Variants in ZBTB34 observed in about 807,000 individuals in gnomAD.
ZBTB34 encodes the protein zinc finger and BTB domain-containing protein 34.
In ZBTB34, 1 loss-of-function variant was observed where a neutral mutation model predicts 33.4. The ratio of observed to expected loss-of-function variants is 0.03; its 90% CI spans 0.01 to 0.14. The LOEUF is 0.14. Among genes scored for constraint, ZBTB34 ranks in the 10% least tolerant of loss-of-function variants. ZBTB34 has a pLI of 1.00. For synonymous variants in ZBTB34, 283 were observed against 253.5 expected (o/e 1.12, Z -1.11); for missense variants, 406 against 657.2 (o/e 0.62, Z 4.18).
intron 1 of ZBTB34, chr9:126,863,570 G>A (rs888544735): frequency 9.2e-6 from 3 of 324,564 alleles, no homozygotes; most frequent in Non-Finnish European, 1.3e-5. Flanking sequence ...CTTCTTAATT[G>A]TGTCTATTTA....
At chr9:126,869,705 T>A (rs761815549) in intron 1 of ZBTB34, among the ~76,000 whole-genome samples, 17 of 152,296 alleles carry the variant, frequency 1.1e-4, no homozygotes, top group South Asian at 2.1e-4. Flanking sequence ...GCAGAGGCTG[T>A]GTGTGAGGTG....
chr9:126,863,327 A>C (rs1007063286), intron 1 of ZBTB34, among the ~76,000 whole-genome samples: 1 of 152,164 alleles, frequency 6.6e-6, no homozygotes, highest in African/African-American at 2.4e-5. Flanking sequence ...TGCTTAGTAC[A>C]TTTTCATTAT....
chr9:126,885,488 C>T (rs2119245868), exon 2 of ZBTB34: 2 of 167,186 alleles, frequency 1.2e-5, no homozygotes, highest in South Asian at 4.1e-4. Context: ...TCTCTCTCAC[C>T]ACTTTTATTA....
At chr9:126,872,851 CT>C (rs1288439820) in intron 1 of ZBTB34, among the ~76,000 whole-genome samples, 2 of 152,174 alleles carry the variant, frequency 1.3e-5, no homozygotes, top group Admixed American at 1.3e-4. Context: ...AAAGCACTTC[CT>C]TTCTCATATT....
intron 1 of ZBTB34, among the ~76,000 whole-genome samples, chr9:126,874,845 G>A (rs1438791432): frequency 6.6e-6 from 1 of 152,166 alleles, no homozygotes; most frequent in African/African-American, 2.4e-5. Flanking sequence ...TAAAATAGCA[G>A]TTGTTCACAT....
chr9:126,881,139 G>A lies in ZBTB34; in HGVS notation c.*225G>A. 5.5e-6 allele frequency: 3 copies of A among 542,512 alleles called. 1 individual carries two copies. The highest frequency in any genetic ancestry group is 1.0e-3 in the Middle Eastern group (2 of 1,968). 33.6% of individuals were successfully genotyped at this position (542,512 alleles called of 1,614,324 possible). ...GGCAACGCATCCAGGGAAAACACAG[G>A]CTGACAGTATTCCTCTTTGGCTGAA... is the stretch of plus-strand genomic sequence containing the variant. On this transcript the variant is annotated 3_prime_UTR_variant, in exon 2 of 2. Coordinates refer to ENST00000319119, the Ensembl canonical transcript of ZBTB34.
exon 2 of ZBTB34, chr9:126,881,945 G>C (rs1434271267): frequency 1.2e-5 from 2 of 166,816 alleles, no homozygotes; most frequent in African/African-American, 4.8e-5. Flanking sequence ...TCCAAGCAGT[G>C]TTGTGGTTTT....
chr9:126,880,808 G>C lies in ZBTB34; in HGVS notation c.1409G>C (p.Arg470Thr). ...AGGAGTCGCATTGAGTCCCCCGAGA[G>C]AACAGATGTGTACGTGGAACAGAAA... The change falls in exon 2 of 2, where the codon AGA becomes ACA. Residue 470 changes from arginine (R) to threonine (T), a missense_variant. By Grantham distance (71) the Arg-to-Thr change is moderately conservative. This residue lies in a region of ZBTB34 where 58 missense variants were observed against 58.7 expected (regional missense o/e 0.99). Transcript: ENST00000319119. This position sits in a 1 kb window ranked among gnomAD's most constrained non-coding sequence, Gnocchi z 6.7. 6.2e-7 allele frequency: 1 copy of C among 1,613,710 alleles called. No homozygotes were observed. Among genetic ancestry groups the C allele is most frequent in the East Asian group, 2.2e-5 (1 of 44,884 alleles).
chr9:126,874,769 T>C (rs1194166709), intron 1 of ZBTB34, among the ~76,000 whole-genome samples: 1 of 152,184 alleles, frequency 6.6e-6, no homozygotes, highest in Non-Finnish European at 1.5e-5. Flanking sequence ...GTCTGGACAG[T>C]TTCCCTGCAG....
chr9:126,867,847 C>T (rs10819242), intron 1 of ZBTB34, among the ~76,000 whole-genome samples: 17,055 of 151,560 alleles, frequency 0.11, 1,410 homozygotes, highest in East Asian at 0.42. Context: ...ATAAGATCCT[C>T]CATACATTCC....
chr9:126,874,939 C>T (rs1474298784), intron 1 of ZBTB34, among the ~76,000 whole-genome samples: 1 of 152,202 alleles, frequency 6.6e-6, no homozygotes, highest in African/African-American at 2.4e-5. Flanking sequence ...ACTGATGGAT[C>T]CCTAGTGCCT....
At chr9:126,877,822 T>A (rs2033382127) in intron 1 of ZBTB34, among the ~76,000 whole-genome samples, 1 of 151,788 alleles carries the variant, frequency 6.6e-6, no homozygotes, top group South Asian at 2.1e-4. Context: ...CTGGCTAACA[T>A]GGTGAAACCC....
intron 1 of ZBTB34, among the ~76,000 whole-genome samples, chr9:126,875,777 A>G (rs746032989): frequency 6.6e-6 from 1 of 152,112 alleles, no homozygotes; most frequent in Non-Finnish European, 1.5e-5. Flanking sequence ...TTTAATGGCT[A>G]CTTGCCTTAA....
chr9:126,885,033 ACTAT>A (rs550922950), exon 2 of ZBTB34: 76 of 167,202 alleles, frequency 4.5e-4, no homozygotes, highest in African/African-American at 1.5e-3. Context: ...TTTATATGAA[ACTAT>A]CTAGTTCATA....
intron 1 of ZBTB34, among the ~76,000 whole-genome samples, chr9:126,873,717 G>T (rs998995643): frequency 1.3e-5 from 2 of 151,916 alleles, no homozygotes; most frequent in African/African-American, 4.8e-5. Context: ...CGATTCTCCT[G>T]CCTCGGCCTC....
intron 1 of ZBTB34, among the ~76,000 whole-genome samples, chr9:126,861,744 T>G (rs2033145874): frequency 1.3e-5 from 2 of 152,208 alleles, no homozygotes; most frequent in African/African-American, 4.8e-5. Context: ...GCATGCAGAA[T>G]TTTTTGTTGT....
chr9:126,871,610 G>A (rs892510878), intron 1 of ZBTB34, among the ~76,000 whole-genome samples: 5 of 151,866 alleles, frequency 3.3e-5, no homozygotes, highest in East Asian at 1.9e-4. Context: ...GATTACAGGC[G>A]GAAAGATTTT....
At chr9:126,881,543 A>C (rs2033441755) in exon 2 of ZBTB34, 1 of 166,980 alleles carries the variant, frequency 6.0e-6, no homozygotes. Context: ...CATTTCCCTT[A>C]CAAAAGAATG....
Position 126,879,663 on chromosome 9 carries a change from T to G in ZBTB34, c.264T>G (p.Leu88=). ...ATCCCAATGTGTTTGAGCAGTTGCT[T>G]TCTTTTTGTTACACTGGAAGAATGT... The change falls in exon 2 of 2, where the codon CTT becomes CTG. Residue 88 remains leucine (L), a synonymous_variant. Coordinates refer to ENST00000319119, the Ensembl canonical transcript of ZBTB34. The surrounding 1 kb of genome is among the most constrained non-coding windows in gnomAD (Gnocchi z 6.4). 1 of 1,613,714 alleles carries G rather than the reference T, an allele frequency of 6.2e-7. No homozygotes were observed. The highest frequency in any genetic ancestry group is 8.5e-7 in the Non-Finnish European group (1 of 1,179,890).
Sources: allele counts gnomAD v4.1 joint callset (sites outside exome capture counted in the v4.1 genomes callset), GRCh38; gene constraint gnomAD v4.1.1; regional missense constraint gnomAD v4.1.1; non-coding constraint Gnocchi (gnomAD v3.1); transcripts MANE v1.5; gene names NCBI Gene and HGNC (gene_info 2026-07-23, HGNC 2026-07-21).